KCNMB2: variants seen among roughly 807,000 people sequenced by gnomAD.
KCNMB2 encodes calcium-activated potassium channel subunit beta-2.
In KCNMB2, 9 loss-of-function variants were observed where a neutral mutation model predicts 24.5. The ratio of observed to expected loss-of-function variants is 0.37; its 90% confidence interval spans 0.22 to 0.64. The LOEUF (loss-of-function observed/expected upper bound fraction) is 0.64, where lower values mean the gene tolerates loss of function less well. KCNMB2 is among the 30% of genes least tolerant of loss of function. The pLI is 0.63. For synonymous variants in KCNMB2, 109 were observed against 104.4 expected (o/e 1.04, Z -0.27); for missense variants, 226 against 284.3 (o/e 0.79, Z 1.47).
At chr3:178,645,174 C>T (rs533964038) in intron 1 of KCNMB2, among the ~76,000 whole-genome samples, 2 of 151,550 alleles carry the variant, frequency 1.3e-5, no homozygotes, top group South Asian at 2.1e-4. Flanking sequence ...CCTCAGCCTC[C>T]TGAGTAGCTG....
At chr3:178,548,799 A>G (rs1023456321) in intron 1 of KCNMB2, among the ~76,000 whole-genome samples, 2 of 152,232 alleles carry the variant, frequency 1.3e-5, no homozygotes, top group Admixed American at 6.5e-5. Flanking sequence ...ATATGTATAA[A>G]TAAGTTTTCC....
intron 1 of KCNMB2, among the ~76,000 whole-genome samples, chr3:178,669,719 G>A (rs915513374): frequency 6.6e-6 from 1 of 152,074 alleles, no homozygotes; most frequent in African/African-American, 2.4e-5. Context: ...GATACACCAT[G>A]AAACATAAAA....
chr3:178,839,870 C>T (rs1339624674), intron 4 of KCNMB2, among the ~76,000 whole-genome samples: 3 of 152,158 alleles, frequency 2.0e-5, no homozygotes, highest in Non-Finnish European at 4.4e-5. Flanking sequence ...ATCATTCTGC[C>T]CCGGCTCTTC....
rs141827706 is a variant in KCNMB2 at position 178,636,682 on chromosome 3, A to G, written c.-68+99971A>G. Among the ~76,000 whole-genome samples the G allele has an allele frequency of 5.0e-4, 76 of 152,280 alleles. 1 individual carries two copies. The highest frequency in any genetic ancestry group is 1.7e-3 in the African/African-American group (72 of 41,562). ...AAACTGCTTGAGCAAGCCATCTGGG[A>G]CCTCTTTCCAAGAATCGTCCTTCTC... On this transcript the variant is annotated intron_variant, in intron 1 of 4. Transcript: ENST00000452583.
chr3:178,578,388 T>C (rs187280169), intron 1 of KCNMB2, among the ~76,000 whole-genome samples: 2 of 152,282 alleles, frequency 1.3e-5, no homozygotes, highest in Admixed American at 6.5e-5. Flanking sequence ...GCACTAAATA[T>C]GGAGAGGAAA....
chr3:178,758,387 C>T (rs1392003420), intron 1 of KCNMB2, among the ~76,000 whole-genome samples: 221 of 3,228 alleles, frequency 0.068, 70 homozygotes, highest in African/African-American at 0.23. Flanking sequence ...AGAGGGGATA[C>T]ATATATATAT....
chr3:178,722,040 A>G (rs1440588287), intron 1 of KCNMB2, among the ~76,000 whole-genome samples: 1 of 152,146 alleles, frequency 6.6e-6, no homozygotes. Context: ...AGTCTTTTGC[A>G]GAGCAAAAGG....
chr3:178,826,929 G>A (rs1714857574), intron 3 of KCNMB2, among the ~76,000 whole-genome samples: 1 of 152,110 alleles, frequency 6.6e-6, no homozygotes, highest in African/African-American at 2.4e-5. Flanking sequence ...TTCACATCTG[G>A]TTAGAACCAT....
chr3:178,566,944 A>G (rs1361313101), intron 1 of KCNMB2, among the ~76,000 whole-genome samples: 1 of 152,210 alleles, frequency 6.6e-6, no homozygotes, highest in African/African-American at 2.4e-5. Context: ...TTAAAGATAA[A>G]TGTCCTATCT....
intron 1 of KCNMB2, among the ~76,000 whole-genome samples, chr3:178,559,489 G>A (rs1368873402): frequency 6.6e-6 from 1 of 151,470 alleles, no homozygotes; most frequent in Non-Finnish European, 1.5e-5. Flanking sequence ...TTGGAAAATG[G>A]ATATAAGCAT....
chr3:178,697,780 C>A (rs911712603), intron 1 of KCNMB2, among the ~76,000 whole-genome samples: 4 of 152,094 alleles, frequency 2.6e-5, no homozygotes, highest in Non-Finnish European at 5.9e-5. Context: ...TTCAGAAGCT[C>A]TTATAAGGCA....
intron 1 of KCNMB2, among the ~76,000 whole-genome samples, chr3:178,547,148 C>T (rs571037059): frequency 2.0e-5 from 3 of 152,232 alleles, no homozygotes; most frequent in African/African-American, 2.4e-5. Flanking sequence ...AATAAATGGA[C>T]GAGTTGGGCC....
At chr3:178,575,692 GGTAGGCATCCACCAA>G (rs1263863440) in intron 1 of KCNMB2, among the ~76,000 whole-genome samples, 2 of 152,186 alleles carry the variant, frequency 1.3e-5, no homozygotes, top group African/African-American at 4.8e-5. Flanking sequence ...TCCCATGCCA[GGTAGGCATCCACCAA>G]TCTCACTTTT....
At chr3:178,754,152 A>ATG (rs1723941485) in intron 1 of KCNMB2, among the ~76,000 whole-genome samples, 1 of 68,584 alleles carries the variant, frequency 1.5e-5, no homozygotes, top group Non-Finnish European at 2.6e-5. Context: ...ATTCCATTGT[A>ATG]TATATATATA....
chr3:178,737,979 G>C (rs1256341989), intron 1 of KCNMB2, among the ~76,000 whole-genome samples: 2 of 152,156 alleles, frequency 1.3e-5, no homozygotes, highest in Non-Finnish European at 2.9e-5. Flanking sequence ...TGACTGAATA[G>C]CTAAAAATTG....
intron 1 of KCNMB2, among the ~76,000 whole-genome samples, chr3:178,666,168 C>T (rs1720711078): frequency 6.6e-6 from 1 of 152,076 alleles, no homozygotes; most frequent in South Asian, 2.1e-4. Flanking sequence ...ATGACATTTA[C>T]TAGACACCAG....
intron 1 of KCNMB2, among the ~76,000 whole-genome samples, chr3:178,623,942 G>A (rs1719010553): frequency 6.6e-6 from 1 of 152,148 alleles, no homozygotes; most frequent in Non-Finnish European, 1.5e-5. Flanking sequence ...CTGAGAGAAG[G>A]TCCCAGGTCA....
rs1321039932 is a variant in KCNMB2 at position 178,541,941 on chromosome 3, C to T, written c.-68+5230C>T. ...TTCTGATTACCTGCTACCTGCTCTG[C>T]TCCGACTCCAGCCAAAGCACCCACC... On this transcript the variant is annotated intron_variant, in intron 1 of 4. Coordinates refer to ENST00000452583, the MANE Select transcript of KCNMB2 (RefSeq NM_181361.3). Among the ~76,000 whole-genome samples, 8 of 152,306 alleles carry T rather than the reference C, an allele frequency of 5.3e-5. No individual in the cohort carries two copies. The East Asian group carries it at 1.5e-3, about 29-fold the overall frequency.
At position 178,538,914 on chromosome 3, in the gene KCNMB2, C is replaced by A. The variant is rs117281182; in HGVS notation, c.-68+2203C>A. Among the ~76,000 whole-genome samples the A allele has an allele frequency of 3.9e-5, 6 of 152,204 alleles. No individual in the cohort carries two copies. In the East Asian group the frequency reaches 1.2e-3, roughly 29 times the overall value. Reference sequence around the variant, plus strand: ...CCAAAACATTTTGAGATATCTTTTTCTTTCAGCTTCTTCTACATCTAGTAA... The same window carrying A: ...CCAAAACATTTTGAGATATCTTTTTATTTCAGCTTCTTCTACATCTAGTAA... On this transcript the variant is annotated intron_variant, in intron 1 of 4. Coordinates refer to ENST00000452583, the MANE Select transcript of KCNMB2 (RefSeq NM_181361.3).
Sources: gnomAD v4.1 joint callset for allele counts (sites outside exome capture counted in the v4.1 genomes callset) on GRCh38, gnomAD v4.1.1 for gene constraint, MANE v1.5 for transcripts, NCBI Gene and HGNC (gene_info 2026-07-23, HGNC 2026-07-21) for gene names.